Variants in AGXT observed in about 807,000 individuals in gnomAD.
AGXT encodes the protein L-alanine: glyoxylate aminotransferase 1.
AGXT carries 41 observed loss-of-function variants against 46.9 expected under a neutral mutation model. The observed-to-expected ratio is 0.88, with a 90% CI of 0.68 to 1.14. The LOEUF (loss-of-function observed/expected upper bound fraction) is 1.14. Ranked by LOEUF, AGXT falls within the 50% of genes most tolerant of loss-of-function variation. The pLI, the probability that AGXT is intolerant of heterozygous loss-of-function variation, is 0.00. For missense variants in AGXT, 525 were observed against 522.7 expected (o/e 1.00, Z -0.04); for synonymous variants, 244 against 227.9 (o/e 1.07, Z -0.64).
rs561017524 is a variant in AGXT at position 240,874,131 on chromosome 2, G to A, written c.680+69G>A. On this transcript the variant is annotated intron_variant, in intron 6 of 10. Transcript: ENST00000307503. The stretch of plus-strand genomic sequence containing the variant: ...GCAGGGAGCTCAGGTGGCCCGAGGC[G>A]GGAGGGGCGGGAGCCAGGCAGGAAG... 686 of 1,469,950 alleles carry A rather than the reference G, an allele frequency of 4.7e-4. 5 individuals are homozygous for A. In the South Asian group the frequency reaches 7.1e-3, roughly 15 times the overall value. The allele number at this position is 1,469,950 out of a possible 1,614,324, so 91.1% of individuals were successfully genotyped here. A position where few individuals can be genotyped will look rare whatever the true frequency, so the allele number is the denominator to read the frequency against.
intron 2 of AGXT, among the ~76,000 whole-genome samples, 163 bp downstream of exon 2, chr2:240,869,525 G>A (rs11681134): frequency 6.6e-5 from 10 of 152,104 alleles, no homozygotes; most frequent in East Asian, 1.9e-4. Context: ...TCCTCCAGGC[G>A]GTGTCGGGCA....
chr2:240,873,865 C>A, intron 5 of AGXT, 113 bp from the exon 6 acceptor site: 1 of 959,148 alleles, frequency 1.0e-6, no homozygotes, highest in South Asian at 1.3e-5. Flanking sequence ...CTATCGTGTA[C>A]GGATTCGTGG....
In AGXT at chr2:240,879,132, G is replaced by C. The variant is rs2106432604; in HGVS notation, c.*311G>C. On this transcript the variant is annotated 3_prime_UTR_variant, in exon 11 of 11. Transcript: ENST00000307503. Reference sequence around the variant, plus strand: ...CCAACTCTCCTCACTGTGTGGGGTGGTCTGTGAAAGAGTGAGAGGAGAGCA... The same window carrying C: ...CCAACTCTCCTCACTGTGTGGGGTGCTCTGTGAAAGAGTGAGAGGAGAGCA... 4 of 487,570 alleles carry C rather than the reference G, an allele frequency of 8.2e-6. No individual in the cohort carries two copies. In the South Asian group the frequency reaches 8.4e-5, roughly 10 times the overall value. 30.2% of individuals were successfully genotyped at this position (487,570 alleles called of 1,614,324 possible). A position where few individuals can be genotyped will look rare whatever the true frequency, so the allele number is the denominator to read the frequency against.
intron 4 of AGXT, among the ~76,000 whole-genome samples, chr2:240,872,440 G>A (rs2058997146): frequency 6.6e-6 from 1 of 151,630 alleles, no homozygotes; most frequent in Admixed American, 6.6e-5. Flanking sequence ...GTGAGAGTTC[G>A]TGAACATGCA....
At chr2:240,877,194 C>A in intron 8 of AGXT, 1 of 486,792 alleles carries the variant, frequency 2.1e-6, no homozygotes, top group Non-Finnish European at 4.0e-6. Flanking sequence ...GCACCCTGAG[C>A]CCTGGCCCTG....
At chr2:240,870,201 C>T (rs1445799667) in intron 2 of AGXT, among the ~76,000 whole-genome samples, 1 of 152,138 alleles carries the variant, frequency 6.6e-6, no homozygotes, top group East Asian at 1.9e-4. Context: ...GTCCCCAGCT[C>T]CAACAGAGGT....
At position 240,879,200 on chromosome 2, in the gene AGXT, A is replaced by C. The variant is rs2059044495; in HGVS notation, c.*379A>C. The C allele has an allele frequency of 6.1e-6, 2 of 326,110 alleles. No homozygotes were observed. The highest frequency in any genetic ancestry group is 1.2e-5 in the Non-Finnish European group (2 of 170,700). 20.2% of individuals were successfully genotyped at this position (326,110 alleles called of 1,614,324 possible). A position where few individuals can be genotyped will look rare whatever the true frequency, so the allele number is the denominator to read the frequency against. On this transcript the variant is annotated 3_prime_UTR_variant, in exon 11 of 11. Coordinates refer to ENST00000307503, the MANE Select transcript of AGXT (RefSeq NM_000030.3). Reference sequence around the variant, plus strand: ...GCCTGATTGTGGACTTTAGGGGGACACTCCTCATCCTGGAGCCCACAGGGT... The same window carrying C: ...GCCTGATTGTGGACTTTAGGGGGACCCTCCTCATCCTGGAGCCCACAGGGT...
At chr2:240,877,670 T>C (rs763040906) in intron 9 of AGXT, 38 bp downstream of exon 9, 12 of 1,541,140 alleles carry the variant, frequency 7.8e-6, no homozygotes, top group Non-Finnish European at 1.1e-5. Context: ...CCTGCACCCA[T>C]GGGGAAGGAT....
chr2:240,871,752 A>C (rs2058992113), intron 4 of AGXT, among the ~76,000 whole-genome samples: 1 of 151,996 alleles, frequency 6.6e-6, no homozygotes, highest in Admixed American at 6.5e-5. Context: ...GCCTGTCCCC[A>C]CCTCACCCCG....
chr2:240,876,049 G>T (rs762256410), intron 8 of AGXT, 45 bp downstream of exon 8: 44 of 1,601,954 alleles, frequency 2.7e-5, no homozygotes, highest in Non-Finnish European at 1.7e-5. Flanking sequence ...CCACTGGCTG[G>T]ATTGTCGAGG....
intron 8 of AGXT, among the ~76,000 whole-genome samples, chr2:240,876,383 G>A (rs1369613510): frequency 1.3e-5 from 2 of 152,228 alleles, no homozygotes; most frequent in Admixed American, 1.3e-4. Flanking sequence ...CTGCAGGCTT[G>A]TCCAGCTCCT....
Position 240,879,366 on chromosome 2 carries a change from TGCGTGCTG to T in AGXT, c.*547_*554del, listed in dbSNP as rs2059045806. The T allele has an allele frequency of 5.5e-6, 1 of 181,110 alleles. No individual in the cohort carries two copies. The highest frequency in any genetic ancestry group is 1.2e-5 in the Non-Finnish European group (1 of 86,364). The allele number at this position is 181,110 out of a possible 1,614,324, so 11.2% of individuals were successfully genotyped here. ...GACCCCTGTCATGGACAAGGGTACC[TGCGTGCTG>T]GAGAGCGCACAGCCAGGACCTGAGC... On this transcript the variant is annotated 3_prime_UTR_variant, in exon 11 of 11. Transcript: ENST00000307503.
At chr2:240,874,298 A>G (rs1051637575) in intron 6 of AGXT, among the ~76,000 whole-genome samples, 7 of 152,068 alleles carry the variant, frequency 4.6e-5, no homozygotes, top group Non-Finnish European at 8.8e-5. Context: ...CTGCTCTGGA[A>G]GTTCCCAGCT....
At position 240,875,956 on chromosome 2, in the gene AGXT, C is replaced by T; in HGVS notation, c.798C>T (p.Val266=). The change falls in exon 8 of 11, where the codon GTC becomes GTT. Residue 266 remains valine (V), a synonymous_variant. Transcript: ENST00000307503. ...CCAGGTACCATCACACAATCCCCGT[C>T]ATCAGCCTGTACAGCCTGAGAGAGA... ...QPRMYHHTIP[V]ISLYSLRESL... 6.2e-7 allele frequency: 1 copy of T among 1,614,226 alleles called. No individual in the cohort carries two copies. The highest frequency in any genetic ancestry group is 2.2e-5 in the East Asian group (1 of 44,884).
At chr2:240,871,079 G>A in intron 3 of AGXT, 1 of 590,684 alleles carries the variant, frequency 1.7e-6, no homozygotes, top group Admixed American at 2.9e-5. Flanking sequence ...CGGAGTGTGG[G>A]GACTCAGTCC....
rs771229684 is a variant in AGXT at position 240,877,525 on chromosome 2, T to A, written c.847-12T>A. On this transcript the variant is annotated splice_polypyrimidine_tract_variant and intron_variant, in intron 8 of 10. Transcript: ENST00000307503. ...CCCATGTCACTGCCCACCAGCGCCATCTCCCACACAGGGCCTGGAGAACAG... is the reference window on the plus strand; with the variant it reads ...CCCATGTCACTGCCCACCAGCGCCAACTCCCACACAGGGCCTGGAGAACAG... The A allele has an allele frequency of 1.9e-6, 3 of 1,542,704 alleles. No individual in the cohort carries two copies. The Admixed American group carries it at 6.0e-5, about 31-fold the overall frequency.
intron 8 of AGXT, 105 bp downstream of exon 8, chr2:240,876,109 C>T (rs1032362868): frequency 3.6e-5 from 49 of 1,368,806 alleles, no homozygotes; most frequent in Non-Finnish European, 4.9e-5. Flanking sequence ...GAAAAGGGAG[C>T]CTGCCAGAGA....
At chr2:240,874,152 G>A (rs2059007913) in intron 6 of AGXT, 90 bp downstream of exon 6, 14 of 1,295,192 alleles carry the variant, frequency 1.1e-5, no homozygotes, top group Non-Finnish European at 1.5e-5. Flanking sequence ...GAGCCAGGCA[G>A]GAAGGGCTCC....
intron 8 of AGXT, 156 bp from the exon 9 acceptor site, chr2:240,877,381 C>T: frequency 2.7e-6 from 2 of 737,334 alleles, no homozygotes; most frequent in Non-Finnish European, 2.4e-6. Flanking sequence ...CTGGGGTAGT[C>T]CCAGGCCCTG....
Sources: gnomAD v4.1 joint callset for allele counts (sites outside exome capture counted in the v4.1 genomes callset) on GRCh38, gnomAD v4.1.1 for gene constraint, MANE v1.5 for transcripts, NCBI Gene and HGNC (gene_info 2026-07-23, HGNC 2026-07-21) for gene names.